The following ZNF423 variants were observed in gnomAD, a reference collection of about 807,000 sequenced individuals.
ZNF423 encodes the protein Ebf-associated zinc finger protein.
Under a neutral mutation model 95.8 loss-of-function variants are expected in ZNF423, and 12 were observed. The observed-to-expected ratio is 0.13, with a 90% CI of 0.08 to 0.20. The LOEUF (loss-of-function observed/expected upper bound fraction) is 0.20. Among genes scored for constraint, ZNF423 ranks in the 10% least tolerant of loss-of-function variants. The probability of loss-of-function intolerance (pLI) is 1.00; values close to 1 mark genes in which losing one functional copy is unlikely to be tolerated. For missense variants in ZNF423, 1,316 were observed against 1,737.1 expected (o/e 0.76, Z 4.31); for synonymous variants, 749 against 711.9 (o/e 1.05, Z -0.83).
Position 49,492,492 on chromosome 16 carries a change from G to A in ZNF423, c.3850-1188C>T, listed in dbSNP as rs1967011546. ...GGCCGAGGCCGGGGCCGGGGCCGGG[G>A]CCGGGGCCGAGACGGGCCACTCCTG... On this transcript the variant is annotated intron_variant, in intron 7 of 7. Transcript: ENST00000563137. This position sits in a 1 kb window ranked among gnomAD's most constrained non-coding sequence, Gnocchi z 4.2. 6.6e-6 allele frequency among the ~76,000 whole-genome samples: 1 copy of A among 151,210 alleles called. No individual in the cohort carries two copies. Among genetic ancestry groups the A allele is most frequent in the African/African-American group, 2.4e-5 (1 of 40,860 alleles).
At chr16:49,517,845 T>G in intron 7 of ZNF423, 1 of 419,430 alleles carries the variant, frequency 2.4e-6, no homozygotes, top group South Asian at 1.8e-5. Flanking sequence ...CTGTTCCCGC[T>G]TTGCTCCAAA....
intron 3 of ZNF423, among the ~76,000 whole-genome samples, chr16:49,645,763 T>C (rs1183006847): frequency 3.9e-5 from 6 of 152,172 alleles, no homozygotes; most frequent in Non-Finnish European, 7.4e-5. Context: ...GGTAACTGAA[T>C]CATGGGGGTG....
rs201076539 is a variant in ZNF423 at position 49,636,701 on chromosome 16, G to A, written c.2475C>T (p.His825=). Residue 825 remains histidine (H), a synonymous_variant, in exon 4 of 8, where the codon CAC becomes CAT. Coordinates refer to ENST00000563137, the MANE Select transcript of ZNF423 (RefSeq NM_001379286.1). This position sits in a 1 kb window ranked among gnomAD's most constrained non-coding sequence, Gnocchi z 8.6. The part of the protein sequence containing the change: ...YNCKFCSKAF[H]AIILLEKHLR... ...GGTGCTTCTCCAGCAGGATGATGGC[G>A]TGGAAGGCCTTGCTGCAGAACTTAC... The A allele has an allele frequency of 4.9e-5, 79 of 1,614,092 alleles. No homozygotes were observed. In the East Asian group the frequency reaches 8.0e-4, roughly 16 times the overall value.
Position 49,855,526 on chromosome 16 carries a change from G to GCCGCCGCCGCCGCCGCCGCCT in ZNF423, c.40+208_40+209insAGGCGGCGGCGGCGGCGGCGG, listed in dbSNP as rs2035354847. On this transcript the variant is annotated intron_variant, in intron 1 of 7. Transcript: ENST00000563137. The surrounding 1 kb of genome is among the most constrained non-coding windows in gnomAD (Gnocchi z 4.7). Reference sequence around the variant, plus strand: ...GCGTACCCCCTCCGCCGCCGCCGCCGCCGCCGCCGCCTCCGCCTCCTGCTC... The same window carrying GCCGCCGCCGCCGCCGCCGCCT: ...GCGTACCCCCTCCGCCGCCGCCGCCGCCGCCGCCGCCGCCGCCGCCTCCGCCGCCGCCTCCGCCTCCTGCTC... Among the ~76,000 whole-genome samples the GCCGCCGCCGCCGCCGCCGCCT allele has an allele frequency of 6.9e-6, 1 of 145,082 alleles. No homozygotes were observed. The highest frequency in any genetic ancestry group is 2.6e-5 in the African/African-American group (1 of 39,054).
Position 49,529,870 on chromosome 16 carries a change from G to A in ZNF423, c.3602-4376C>T, listed in dbSNP as rs1350922581. Among the ~76,000 whole-genome samples, 5 of 152,104 alleles carry A rather than the reference G, an allele frequency of 3.3e-5. No individual in the cohort carries two copies. The South Asian group carries it at 8.3e-4, about 25-fold the overall frequency. The stretch of plus-strand genomic sequence containing the variant: ...GAGCGTGACCTGCTCCAGCCACAAC[G>A]GATAGTCCCTGCCTACCCCCTCTCT... On this transcript the variant is annotated intron_variant, in intron 5 of 7. Coordinates refer to ENST00000563137, the MANE Select transcript of ZNF423 (RefSeq NM_001379286.1).
intron 7 of ZNF423, among the ~76,000 whole-genome samples, chr16:49,508,144 C>G (rs919292073): frequency 6.6e-6 from 1 of 152,066 alleles, no homozygotes; most frequent in Admixed American, 6.5e-5. Flanking sequence ...GTTTTTATGC[C>G]TACCAGTGCT....
chr16:49,737,028 G>A (rs917489259), intron 2 of ZNF423, among the ~76,000 whole-genome samples: 2 of 152,136 alleles, frequency 1.3e-5, no homozygotes, highest in South Asian at 2.1e-4. Flanking sequence ...ACCCTGAGGG[G>A]AGCTGAGTAT....
chr16:49,786,845 C>T (rs780672286), intron 2 of ZNF423, among the ~76,000 whole-genome samples: 1 of 152,224 alleles, frequency 6.6e-6, no homozygotes, highest in Non-Finnish European at 1.5e-5. Context: ...TTTTGCTCCC[C>T]CATAATCTTC....
intron 5 of ZNF423, among the ~76,000 whole-genome samples, chr16:49,535,606 C>T (rs912959090): frequency 3.0e-4 from 46 of 152,100 alleles, no homozygotes; most frequent in African/African-American, 1.1e-3. Context: ...CACTGAGAAC[C>T]GAGGAAAGAG....
intron 5 of ZNF423, among the ~76,000 whole-genome samples, chr16:49,595,901 C>G (rs1316589596): frequency 1.3e-5 from 2 of 152,082 alleles, no homozygotes; most frequent in Non-Finnish European, 2.9e-5. Context: ...ATTATTCTTG[C>G]TATTTTACAT....
At chr16:49,822,260 G>A (rs559592245) in intron 1 of ZNF423, among the ~76,000 whole-genome samples, 241 of 150,540 alleles carry the variant, frequency 1.6e-3, no homozygotes, top group Non-Finnish European at 2.3e-3. Context: ...TGTGACCTCC[G>A]CCTCCCAGGT....
chr16:49,498,660 G>T (rs941593071), intron 7 of ZNF423, among the ~76,000 whole-genome samples: 3 of 152,136 alleles, frequency 2.0e-5, no homozygotes, highest in African/African-American at 7.2e-5. Context: ...CCCATCCCCT[G>T]TTCCCTGGAA....
At chr16:49,808,147 G>C (rs1481297579) in intron 1 of ZNF423, among the ~76,000 whole-genome samples, 1 of 151,500 alleles carries the variant, frequency 6.6e-6, no homozygotes, top group Non-Finnish European at 1.5e-5. Context: ...GTGCAGCTTC[G>C]AGCTCCTGGG....
chr16:49,657,972 T>C (rs1053887133), intron 3 of ZNF423, among the ~76,000 whole-genome samples: 1 of 152,200 alleles, frequency 6.6e-6, no homozygotes, highest in African/African-American at 2.4e-5. Flanking sequence ...TCCTATACTA[T>C]TACTCAACCT....
At chr16:49,672,924 G>A (rs892735797) in intron 3 of ZNF423, among the ~76,000 whole-genome samples, 6 of 152,148 alleles carry the variant, frequency 3.9e-5, no homozygotes, top group Admixed American at 1.3e-4. Flanking sequence ...GCCCCACCAC[G>A]CGGTGTGATC....
At chr16:49,676,656 A>T (rs1567283393) in intron 3 of ZNF423, among the ~76,000 whole-genome samples, 1 of 152,052 alleles carries the variant, frequency 6.6e-6, no homozygotes. Flanking sequence ...CACAAATGTC[A>T]ACCACTTGAC....
intron 3 of ZNF423, among the ~76,000 whole-genome samples, chr16:49,674,905 C>G (rs2030982201): frequency 6.6e-6 from 1 of 152,146 alleles, no homozygotes; most frequent in African/African-American, 2.4e-5. Context: ...CCTGCTTCCT[C>G]CATCTTGCCC....
At chr16:49,669,076 T>A (rs1460538749) in intron 3 of ZNF423, among the ~76,000 whole-genome samples, 2 of 152,066 alleles carry the variant, frequency 1.3e-5, no homozygotes, top group Admixed American at 6.5e-5. Context: ...ATGTCTGTAA[T>A]CCTAGCACTT....
chr16:49,677,486 G>GAAAGA (rs796199498), intron 3 of ZNF423, among the ~76,000 whole-genome samples: 27 of 151,664 alleles, frequency 1.8e-4, no homozygotes, highest in Non-Finnish European at 3.4e-4. Context: ...GAAAGGAAAG[G>GAAAGA]AAAGAAAAGA....
Sources: allele counts gnomAD v4.1 joint callset (sites outside exome capture counted in the v4.1 genomes callset), GRCh38; gene constraint gnomAD v4.1.1; non-coding constraint Gnocchi (gnomAD v3.1); transcripts MANE v1.5; gene names NCBI Gene and HGNC (gene_info 2026-07-23, HGNC 2026-07-21).